Variants in FAF1 observed in about 807,000 individuals in gnomAD.
FAF1 encodes the protein Fas associated factor 1.
In FAF1, 25 loss-of-function variants were observed where a neutral mutation model predicts 92.5. That is an observed-to-expected ratio of 0.27 (90% CI 0.20 to 0.38). FAF1 has a LOEUF of 0.38. FAF1 is among the 10% of genes least tolerant of loss of function. FAF1 has a pLI of 1.00. For missense variants in FAF1, 636 were observed against 793.3 expected, an observed-to-expected ratio of 0.80 and a Z score of 2.38; for synonymous variants, 234 against 273.2, an observed-to-expected ratio of 0.86 and a Z score of 1.42.
chr1:50,766,019 G>A (rs887730850), intron 4 of FAF1, among the ~76,000 whole-genome samples: 2 of 152,114 alleles, frequency 1.3e-5, no homozygotes, highest in Admixed American at 6.5e-5. Context: ...TTGAACCCGG[G>A]AGGCGCAGGG....
intron 6 of FAF1, among the ~76,000 whole-genome samples, chr1:50,721,813 G>A (rs116922310): frequency 6.6e-6 from 1 of 152,020 alleles, no homozygotes; most frequent in East Asian, 1.9e-4. Flanking sequence ...TTGTAGAGAT[G>A]AGGTTCCACT....
chr1:50,582,044 G>C (rs1448712341), intron 12 of FAF1, among the ~76,000 whole-genome samples: 1 of 135,270 alleles, frequency 7.4e-6, no homozygotes. Flanking sequence ...ACCTTTTTTT[G>C]GGGGGGTGGG....
intron 17 of FAF1, among the ~76,000 whole-genome samples, chr1:50,486,528 T>A (rs1391535955): frequency 2.6e-5 from 4 of 152,096 alleles, no homozygotes; most frequent in Admixed American, 6.6e-5. Context: ...TTTTTTTTTT[T>A]AAATTCACAT....
At chr1:50,620,785 G>C (rs1653158694) in intron 8 of FAF1, among the ~76,000 whole-genome samples, 2 of 152,234 alleles carry the variant, frequency 1.3e-5, no homozygotes, top group South Asian at 4.1e-4. Flanking sequence ...CAGTAGCTAG[G>C]CAAATATCCA....
chr1:50,493,844 G>T (rs968175877), intron 15 of FAF1, among the ~76,000 whole-genome samples: 5 of 152,206 alleles, frequency 3.3e-5, no homozygotes, highest in Admixed American at 6.5e-5. Context: ...GGGCAGGAAT[G>T]ACTTGTTATG....
At chr1:50,462,465 A>G (rs1646444351) in intron 18 of FAF1, among the ~76,000 whole-genome samples, 1 of 152,188 alleles carries the variant, frequency 6.6e-6, no homozygotes, top group Non-Finnish European at 1.5e-5. Flanking sequence ...TAAATAAATC[A>G]TCCTTACAGT....
rs888923212 is a variant in FAF1 at position 50,438,943 on chromosome 1, A to G, written c.*2497T>C. The G allele has an allele frequency of 3.9e-5, 6 of 152,198 alleles. No individual in the cohort carries two copies. The highest frequency in any genetic ancestry group is 1.4e-4 in the African/African-American group (6 of 41,418). The allele number at this position is 152,198 out of a possible 1,614,324, so 9.4% of individuals were successfully genotyped here. A position where few individuals can be genotyped will look rare whatever the true frequency, so the allele number is the denominator to read the frequency against. Reference sequence around the variant, plus strand: ...TCCGAAATCAGAAACCTCCAAAAAAATCCCTGCACCTTCTTAAAGGCAATG... The same window carrying G: ...TCCGAAATCAGAAACCTCCAAAAAAGTCCCTGCACCTTCTTAAAGGCAATG... On this transcript the variant is annotated 3_prime_UTR_variant, in exon 19 of 19. Transcript: ENST00000396153.
intron 1 of FAF1, among the ~76,000 whole-genome samples, chr1:50,910,285 C>T (rs1207529311): frequency 6.6e-6 from 1 of 152,228 alleles, no homozygotes; most frequent in East Asian, 1.9e-4. Context: ...AGGTGTCAGT[C>T]AGCCCCTACT....
chr1:50,471,255 G>A (rs1646568240), intron 18 of FAF1: 1 of 152,220 alleles, frequency 6.6e-6, no homozygotes, highest in Admixed American at 6.5e-5. Context: ...AATTCTACAA[G>A]GGTGAGATCT....
At chr1:50,463,456 C>T (rs1478833658) in intron 18 of FAF1, among the ~76,000 whole-genome samples, 1 of 152,060 alleles carries the variant, frequency 6.6e-6, no homozygotes, top group African/African-American at 2.4e-5. Context: ...TCTTGGGGAC[C>T]CCCAACACAT....
At chr1:50,527,840 TCTCC>T (rs554048447) in intron 15 of FAF1, among the ~76,000 whole-genome samples, 480 of 50,782 alleles carry the variant, frequency 9.5e-3, no homozygotes, top group East Asian at 0.055. Context: ...TCTCTCTCTC[TCTCC>T]CTCTCTCCCT....
intron 4 of FAF1, among the ~76,000 whole-genome samples, chr1:50,783,046 T>A (rs773626047): frequency 3.3e-5 from 5 of 151,412 alleles, no homozygotes; most frequent in Non-Finnish European, 5.9e-5. Flanking sequence ...AACAGAAAAA[T>A]TAAATTAAAA....
At chr1:50,852,524 CA>C (rs1293741903) in intron 2 of FAF1, among the ~76,000 whole-genome samples, 1 of 151,974 alleles carries the variant, frequency 6.6e-6, no homozygotes, top group Non-Finnish European at 1.5e-5. Flanking sequence ...AGCCAAAGCT[CA>C]ATATGATATT....
rs1646161457 is a variant in FAF1 at position 50,441,081 on chromosome 1, C to T, written c.*359G>A. ...TATACAGCATCCTGGTGTCACAGAA[C>T]AGACAGAACTGTCCTAGACACTGTG... is the stretch of plus-strand genomic sequence containing the variant. On this transcript the variant is annotated 3_prime_UTR_variant, in exon 19 of 19. Coordinates refer to ENST00000396153, the MANE Select transcript of FAF1 (RefSeq NM_007051.3). The T allele has an allele frequency of 5.3e-6, 1 of 190,470 alleles. No homozygotes were observed. Among genetic ancestry groups the T allele is most frequent in the African/African-American group, 2.3e-5 (1 of 43,040 alleles). The allele number at this position is 190,470 out of a possible 1,614,324, so 11.8% of individuals were successfully genotyped here.
intron 6 of FAF1, among the ~76,000 whole-genome samples, chr1:50,724,093 A>G (rs890235066): frequency 2.0e-5 from 3 of 152,078 alleles, no homozygotes; most frequent in African/African-American, 7.2e-5. Context: ...GCCAAGCATG[A>G]TGGCACATGC....
chr1:50,908,555 C>G (rs1644858286), intron 1 of FAF1, among the ~76,000 whole-genome samples: 1 of 152,092 alleles, frequency 6.6e-6, no homozygotes, highest in Admixed American at 6.5e-5. Flanking sequence ...TCTAGGTGCT[C>G]CTGTATTGGG....
intron 8 of FAF1, among the ~76,000 whole-genome samples, chr1:50,624,485 A>C (rs947858562): frequency 6.6e-6 from 1 of 152,138 alleles, no homozygotes; most frequent in Non-Finnish European, 1.5e-5. Context: ...AAAGTAATTT[A>C]TCTCTCTGAA....
chr1:50,838,190 G>A (rs1644226078), intron 2 of FAF1, among the ~76,000 whole-genome samples: 1 of 151,916 alleles, frequency 6.6e-6, no homozygotes, highest in Non-Finnish European at 1.5e-5. Flanking sequence ...GAACCATCTG[G>A]GGTAAAGCCT....
At chr1:50,703,369 C>T (rs1185361474) in intron 7 of FAF1, among the ~76,000 whole-genome samples, 3 of 152,094 alleles carry the variant, frequency 2.0e-5, no homozygotes, top group Non-Finnish European at 4.4e-5. Context: ...CCTTGTCCTT[C>T]ACCTGAAACT....
Sources: gnomAD v4.1 joint callset for allele counts (sites outside exome capture counted in the v4.1 genomes callset) on GRCh38, gnomAD v4.1.1 for gene constraint, MANE v1.5 for transcripts, NCBI Gene and HGNC (gene_info 2026-07-23, HGNC 2026-07-21) for gene names.